Variants in RABGAP1L observed in about 807,000 individuals in gnomAD.
The protein encoded by RABGAP1L is RAB GTPase activating protein 1 like, also known as rab GTPase-activating protein 1-like.
RABGAP1L carries 63 observed loss-of-function variants against 137.7 expected under a neutral mutation model. The ratio of observed to expected loss-of-function variants is 0.46; its 90% confidence interval spans 0.37 to 0.56. The LOEUF is 0.56. Ranked by LOEUF, RABGAP1L falls within the 20% of genes least tolerant of loss-of-function variation. The pLI is 0.00. For missense variants in RABGAP1L, 1,095 were observed against 1,244.0 expected (o/e 0.88, Z 1.80); for synonymous variants, 431 against 433.7 (o/e 0.99, Z 0.08).
intron 10 of RABGAP1L, among the ~76,000 whole-genome samples, chr1:174,295,673 C>T (rs549517065): frequency 8.0e-5 from 12 of 150,672 alleles, no homozygotes; most frequent in East Asian, 2.0e-4. Flanking sequence ...CATGAGCCAC[C>T]GCAGCCAGCC....
chr1:174,946,689 T>A (rs1039213288), intron 19 of RABGAP1L, among the ~76,000 whole-genome samples: 13 of 151,566 alleles, frequency 8.6e-5, no homozygotes, highest in African/African-American at 3.2e-4. Flanking sequence ...TCACCTGAGG[T>A]CAGGAGTTTG....
At chr1:174,278,866 T>C (rs1271733730) in intron 10 of RABGAP1L, 87 bp downstream of exon 10, 1 of 1,124,626 alleles carries the variant, frequency 8.9e-7, no homozygotes, top group African/African-American at 1.6e-5. Flanking sequence ...TTCCTGAAGT[T>C]GCAAAACAAT....
At chr1:174,462,627 C>T (rs1323935896) in intron 13 of RABGAP1L, among the ~76,000 whole-genome samples, 2 of 152,104 alleles carry the variant, frequency 1.3e-5, no homozygotes, top group Admixed American at 1.3e-4. Flanking sequence ...GGAATGATCT[C>T]ATCACCGAGG....
intron 13 of RABGAP1L, among the ~76,000 whole-genome samples, chr1:174,516,713 T>C (rs1489274241): frequency 1.3e-5 from 2 of 152,074 alleles, no homozygotes; most frequent in Non-Finnish European, 2.9e-5. Flanking sequence ...AACAAGTGTG[T>C]TATAATTAGG....
At chr1:174,198,113 C>T (rs1667832005) in intron 1 of RABGAP1L, among the ~76,000 whole-genome samples, 1 of 152,142 alleles carries the variant, frequency 6.6e-6, no homozygotes, top group Non-Finnish European at 1.5e-5. Context: ...CTTAGAAACA[C>T]TGTTCTAATT....
intron 19 of RABGAP1L, among the ~76,000 whole-genome samples, chr1:174,900,824 T>C (rs1287394458): frequency 2.0e-5 from 3 of 152,202 alleles, no homozygotes; most frequent in Non-Finnish European, 2.9e-5. Flanking sequence ...CCAGGCTGAA[T>C]TTGAATGTTG....
intron 13 of RABGAP1L, among the ~76,000 whole-genome samples, chr1:174,455,852 A>G (rs1655984178): frequency 6.6e-6 from 1 of 152,142 alleles, no homozygotes; most frequent in African/African-American, 2.4e-5. Flanking sequence ...AGTAAACACT[A>G]TCTCATTTCA....
At chr1:174,189,690 T>C (rs1157240359) in intron 1 of RABGAP1L, among the ~76,000 whole-genome samples, 3 of 152,192 alleles carry the variant, frequency 2.0e-5, no homozygotes, top group East Asian at 3.9e-4. Flanking sequence ...AGAAAGGGGC[T>C]GGATGCAGTA....
intron 13 of RABGAP1L, among the ~76,000 whole-genome samples, chr1:174,600,700 T>A (rs916369331): frequency 6.6e-6 from 1 of 152,228 alleles, no homozygotes; most frequent in Non-Finnish European, 1.5e-5. Flanking sequence ...TCCCATCATC[T>A]TGGGTAGCTC....
chr1:174,710,797 C>G (rs1680424083), intron 17 of RABGAP1L, among the ~76,000 whole-genome samples: 1 of 152,208 alleles, frequency 6.6e-6, no homozygotes, highest in Admixed American at 6.5e-5. Flanking sequence ...CATCATATGA[C>G]AGTATCAAAT....
intron 18 of RABGAP1L, among the ~76,000 whole-genome samples, chr1:174,777,477 C>T (rs935185023): frequency 2.6e-5 from 4 of 152,138 alleles, no homozygotes. Flanking sequence ...CCCAGTGTTC[C>T]CCTGGGGGCA....
At chr1:174,843,454 A>C in intron 19 of RABGAP1L, among the ~76,000 whole-genome samples, 3 of 144,486 alleles carry the variant, frequency 2.1e-5, no homozygotes, top group African/African-American at 2.6e-5. Context: ...TTCAATTCCC[A>C]CCTATGAGGG....
chr1:174,899,786 A>T (rs1021010156), intron 19 of RABGAP1L, among the ~76,000 whole-genome samples: 54 of 152,220 alleles, frequency 3.5e-4, no homozygotes, highest in Middle Eastern at 3.4e-3. Flanking sequence ...AATATAGAAA[A>T]TTTTTTAAGC....
At chr1:174,705,641 A>G (rs777265104) in intron 17 of RABGAP1L, 13 of 152,210 alleles carry the variant, frequency 8.5e-5, no homozygotes, top group Non-Finnish European at 1.8e-4. Context: ...AGAATAATCT[A>G]TTGGAAACAA....
chr1:174,682,916 T>A (rs1321039100), intron 14 of RABGAP1L, among the ~76,000 whole-genome samples: 2 of 152,190 alleles, frequency 1.3e-5, no homozygotes. Context: ...TCAGCCATTT[T>A]GCAAAAAGCA....
At chr1:174,534,001 G>A (rs1410215575) in intron 13 of RABGAP1L, among the ~76,000 whole-genome samples, 1 of 152,066 alleles carries the variant, frequency 6.6e-6, no homozygotes, top group Non-Finnish European at 1.5e-5. Flanking sequence ...AACTGTTTAT[G>A]TTATCACCAA....
Position 174,263,978 on chromosome 1 carries a change from G to A in RABGAP1L, c.987-8436G>A, listed in dbSNP as rs193017576. On this transcript the variant is annotated intron_variant, in intron 7 of 25. Coordinates refer to ENST00000681986, the MANE Select transcript of RABGAP1L (RefSeq NM_001366446.1). ...TTGTTTAGTTACTAATATTTTATCC[G>A]TATTTGTAATAGTAGCATAGTTGTT... 1.3e-3 allele frequency among the ~76,000 whole-genome samples: 192 copies of A among 151,782 alleles called. 2 individuals carry two copies. Among genetic ancestry groups the A allele is most frequent in the African/African-American group, 4.5e-3 (185 of 41,416 alleles).
rs1353521204 is a variant in RABGAP1L at position 174,237,561 on chromosome 1, T to C, written c.543-3922T>C. On this transcript the variant is annotated intron_variant, in intron 4 of 25. Coordinates refer to ENST00000681986, the MANE Select transcript of RABGAP1L (RefSeq NM_001366446.1). Reference sequence around the variant, plus strand: ...GTTTGGCTGGATATGAAATTCTGGGTTGAAAATTCTTTTCTTTAAGAATGT... The same window carrying C: ...GTTTGGCTGGATATGAAATTCTGGGCTGAAAATTCTTTTCTTTAAGAATGT... Among the ~76,000 whole-genome samples the C allele has an allele frequency of 3.6e-4, 16 of 44,914 alleles. No homozygotes were observed. The South Asian group carries it at 8.1e-3, about 23-fold the overall frequency. The allele number at this position is 44,914 out of a possible 152,430, so 29.5% of individuals were successfully genotyped here.
chr1:174,419,611 CAT>C (rs1465615640), intron 13 of RABGAP1L, among the ~76,000 whole-genome samples: 3 of 152,076 alleles, frequency 2.0e-5, no homozygotes, highest in Non-Finnish European at 4.4e-5. Context: ...AAGATGGACA[CAT>C]AGTATAATTT....
Sources: allele counts gnomAD v4.1 joint callset (sites outside exome capture counted in the v4.1 genomes callset), GRCh38; gene constraint gnomAD v4.1.1; transcripts MANE v1.5; gene names NCBI Gene and HGNC (gene_info 2026-07-23, HGNC 2026-07-21).